TENM4: variants seen among roughly 807,000 people sequenced by gnomAD.
The protein encoded by TENM4 is teneurin-4.
TENM4 carries 82 observed loss-of-function variants against 243.3 expected under a neutral mutation model. The ratio of observed to expected loss-of-function variants is 0.34; its 90% CI spans 0.28 to 0.40. The LOEUF is 0.40. Ranked by LOEUF, TENM4 falls within the 10% of genes least tolerant of loss-of-function variation. The pLI is 1.00. For synonymous variants in TENM4, 1,412 were observed against 1,456.3 expected (o/e 0.97, Z 0.69); for missense variants, 3,138 against 3,673.3 (o/e 0.85, Z 3.77).
chr11:79,309,436 C>T (rs761006371), intron 1 of TENM4, among the ~76,000 whole-genome samples: 22 of 152,284 alleles, frequency 1.4e-4, no homozygotes, highest in South Asian at 4.1e-4. Context: ...CCAAGGCCTC[C>T]CAGACAAGAA....
intron 4 of TENM4, among the ~76,000 whole-genome samples, chr11:79,115,520 G>A (rs1861600430): frequency 6.6e-6 from 1 of 152,136 alleles, no homozygotes; most frequent in Non-Finnish European, 1.5e-5. Flanking sequence ...ACCCTCCCCT[G>A]AGTGATCACA....
intron 1 of TENM4, among the ~76,000 whole-genome samples, chr11:79,307,732 T>G (rs1265790160): frequency 6.6e-6 from 1 of 152,228 alleles, no homozygotes; most frequent in African/African-American, 2.4e-5. Context: ...TTGCTCTCTC[T>G]GTGTCTCAGC....
At chr11:79,121,175 GTT>G in intron 4 of TENM4, among the ~76,000 whole-genome samples, 1 of 142,164 alleles carries the variant, frequency 7.0e-6, no homozygotes, top group Admixed American at 7.0e-5. Context: ...TTCCATTCTA[GTT>G]TTCTTGTTTA....
intron 2 of TENM4, among the ~76,000 whole-genome samples, chr11:79,262,198 C>T (rs1855809874): frequency 6.6e-6 from 1 of 152,158 alleles, no homozygotes; most frequent in African/African-American, 2.4e-5. Context: ...TCAGTTTTCT[C>T]ACCCACAAAA....
intron 1 of TENM4, among the ~76,000 whole-genome samples, chr11:79,421,454 C>T (rs1480567124): frequency 6.6e-6 from 1 of 152,186 alleles, no homozygotes; most frequent in East Asian, 1.9e-4. Context: ...ACATTACTAA[C>T]AACTGCTTTA....
intron 1 of TENM4, among the ~76,000 whole-genome samples, chr11:79,351,183 T>G (rs1360988547): frequency 6.6e-6 from 1 of 152,194 alleles, no homozygotes; most frequent in Non-Finnish European, 1.5e-5. Context: ...TTACCCTCTT[T>G]TAATTTGCAA....
At position 78,789,497 on chromosome 11, in the gene TENM4, T is replaced by C. The variant is rs138171629; in HGVS notation, c.2180-2414A>G. On this transcript the variant is annotated intron_variant, in intron 15 of 33. Coordinates refer to ENST00000278550, the MANE Select transcript of TENM4 (RefSeq NM_001098816.3). The stretch of plus-strand genomic sequence containing the variant: ...CTTCTGTACAACATTGAAAGGGCAA[T>C]GACTTCCTGGTGACTCTGGAGGCTG... Among the ~76,000 whole-genome samples the C allele has an allele frequency of 9.6e-3, 1,458 of 152,308 alleles. 22 individuals carry two copies. Among genetic ancestry groups the C allele is most frequent in the African/African-American group, 0.033 (1,370 of 41,562 alleles).
chr11:79,264,371 A>T (rs1210692900), intron 2 of TENM4, among the ~76,000 whole-genome samples: 1 of 152,220 alleles, frequency 6.6e-6, no homozygotes, highest in East Asian at 1.9e-4. Context: ...TTATGCAATT[A>T]TAAGGCATTT....
intron 6 of TENM4, among the ~76,000 whole-genome samples, chr11:78,939,594 C>A (rs1856848886): frequency 6.6e-6 from 1 of 152,166 alleles, no homozygotes; most frequent in African/African-American, 2.4e-5. Flanking sequence ...TCTTGACCCC[C>A]ACATAGAGAA....
intron 2 of TENM4, 24 bp from the exon 3 acceptor site, chr11:79,215,933 C>T: frequency 1.1e-6 from 1 of 905,924 alleles, no homozygotes; most frequent in Non-Finnish European, 1.3e-6. Flanking sequence ...GAACACAGAT[C>T]CAACTGAGTG....
intron 1 of TENM4, among the ~76,000 whole-genome samples, chr11:79,340,926 T>C (rs148139170): frequency 2.6e-5 from 4 of 152,274 alleles, no homozygotes; most frequent in Non-Finnish European, 1.5e-5. Context: ...GCAGAGGTGA[T>C]TGAGTATCTT....
At chr11:79,093,732 T>C (rs1283681724) in intron 4 of TENM4, 1 of 152,308 alleles carries the variant, frequency 6.6e-6, no homozygotes, top group East Asian at 1.9e-4. Flanking sequence ...CTCTGTCTCA[T>C]AGGTGCAAAT....
At chr11:78,865,328 A>G (rs1412749543) in intron 9 of TENM4, among the ~76,000 whole-genome samples, 3 of 152,226 alleles carry the variant, frequency 2.0e-5, no homozygotes, top group African/African-American at 7.2e-5. Context: ...AGACGAGACT[A>G]TAATCCCAAA....
rs961686301 is a variant in TENM4 at position 78,654,232 on chromosome 11, G to C, written c.*3826C>G. 1 of 152,146 alleles carries C rather than the reference G, an allele frequency of 6.6e-6. No individual in the cohort carries two copies. The highest frequency in any genetic ancestry group is 1.5e-5 in the Non-Finnish European group (1 of 68,026). 9.4% of individuals were successfully genotyped at this position (152,146 alleles called of 1,614,324 possible). A position where few individuals can be genotyped will look rare whatever the true frequency, so the allele number is the denominator to read the frequency against. On this transcript the variant is annotated 3_prime_UTR_variant, in exon 34 of 34. Coordinates refer to ENST00000278550, the MANE Select transcript of TENM4 (RefSeq NM_001098816.3). ...GGCTTAGTGGCTGCCGTGAGGACTG[G>C]AGAATAGCCTGGACTTTGAGCAGTG...
In TENM4 at chr11:79,370,380, C is replaced by T. The variant is rs138950598; in HGVS notation, c.-321+70129G>A. Among the ~76,000 whole-genome samples the T allele has an allele frequency of 4.6e-3, 707 of 152,296 alleles. 5 individuals are homozygous for T. The highest frequency in any genetic ancestry group is 0.016 in the African/African-American group (665 of 41,562). On this transcript the variant is annotated intron_variant, in intron 1 of 33. Coordinates refer to ENST00000278550, the MANE Select transcript of TENM4 (RefSeq NM_001098816.3). ...TGGAGTAGAGATGGGGGCTGCTGGC[C>T]GCCTCATCTCAAGCCGTTGTGGTGG...
intron 5 of TENM4, among the ~76,000 whole-genome samples, chr11:79,067,146 G>A (rs1211056315): frequency 6.6e-6 from 1 of 152,208 alleles, no homozygotes; most frequent in Admixed American, 6.5e-5. Flanking sequence ...AAAGAAGCCC[G>A]TGGGCTCTGC....
rs79481282 is a variant in TENM4, at chr11:78,816,801, T to C, written c.1682-2406A>G. 6.3e-3 allele frequency among the ~76,000 whole-genome samples: 957 copies of C among 152,324 alleles called. 11 individuals carry two copies. The highest frequency in any genetic ancestry group is 0.022 in the African/African-American group (906 of 41,558). Reference sequence around the variant, plus strand: ...CTACATTAGATACAAGCCTTGCCTATAGGAAATTTGCAGCTTAACTGGGAG... The same window carrying C: ...CTACATTAGATACAAGCCTTGCCTACAGGAAATTTGCAGCTTAACTGGGAG... On this transcript the variant is annotated intron_variant, in intron 12 of 33. Transcript: ENST00000278550.
intron 6 of TENM4, among the ~76,000 whole-genome samples, chr11:78,996,018 G>A (rs1322893691): frequency 1.3e-5 from 2 of 152,256 alleles, no homozygotes; most frequent in East Asian, 3.9e-4. Context: ...CCTTTGCTCA[G>A]CTGATTTACG....
intron 6 of TENM4, among the ~76,000 whole-genome samples, chr11:78,922,459 G>A (rs572720020): frequency 2.0e-5 from 3 of 152,268 alleles, no homozygotes; most frequent in African/African-American, 7.2e-5. Flanking sequence ...TCCACACAGT[G>A]CTCTGTTTGC....
Sources: allele counts gnomAD v4.1 joint callset (sites outside exome capture counted in the v4.1 genomes callset), GRCh38; gene constraint gnomAD v4.1.1; transcripts MANE v1.5; gene names NCBI Gene and HGNC (gene_info 2026-07-23, HGNC 2026-07-21).